The following PEBP4 variants were observed in gnomAD, a reference collection of about 807,000 sequenced individuals.
PEBP4 encodes phosphatidylethanolamine-binding protein 4.
Under a neutral mutation model 23.9 loss-of-function variants are expected in PEBP4, and 22 were observed. That is an observed-to-expected ratio of 0.92 (90% CI 0.66 to 1.31). PEBP4 has a LOEUF of 1.31. Among genes scored for constraint, PEBP4 ranks in the 40% most tolerant of loss-of-function variants. The probability of loss-of-function intolerance (pLI) is 0.00; values close to 1 mark genes in which losing one functional copy is unlikely to be tolerated. For missense variants in PEBP4, 324 were observed against 281.7 expected (o/e 1.15, Z -1.07); for synonymous variants, 112 against 99.3 (o/e 1.13, Z -0.76).
chr8:22,713,582 G>A, intron 6 of PEBP4, 46 bp from the exon 7 acceptor site: 2 of 1,613,144 alleles, frequency 1.2e-6, no homozygotes, highest in Non-Finnish European at 8.5e-7. Context: ...AAAGAGCCAT[G>A]GACTTGAAAG....
intron 3 of PEBP4, among the ~76,000 whole-genome samples, chr8:22,876,810 G>C (rs2128771366): frequency 6.6e-6 from 1 of 152,310 alleles, no homozygotes; most frequent in Non-Finnish European, 1.5e-5. Context: ...AATCTGGCTT[G>C]GTTAGCCAGA....
At chr8:22,877,550 G>C (rs1808146909) in intron 3 of PEBP4, among the ~76,000 whole-genome samples, 1 of 152,174 alleles carries the variant, frequency 6.6e-6, no homozygotes, top group Non-Finnish European at 1.5e-5. Flanking sequence ...GAGGAGAGGA[G>C]GTGAGGCCAG....
chr8:22,785,980 A>T (rs1412306652), intron 4 of PEBP4, among the ~76,000 whole-genome samples: 1 of 152,306 alleles, frequency 6.6e-6, no homozygotes, highest in East Asian at 1.9e-4. Context: ...TCGAACGTCA[A>T]GTAGGGTCAG....
intron 4 of PEBP4, among the ~76,000 whole-genome samples, chr8:22,813,874 G>A (rs1396680908): frequency 6.6e-6 from 1 of 152,202 alleles, no homozygotes; most frequent in Admixed American, 6.5e-5. Flanking sequence ...GGTATAGGAA[G>A]TTCCACCCCA....
chr8:22,758,067 G>A (rs1012125501), intron 4 of PEBP4: 1 of 152,250 alleles, frequency 6.6e-6, no homozygotes, highest in Non-Finnish European at 1.5e-5. Flanking sequence ...AAAAAATGGG[G>A]ACTCTAACTC....
At chr8:22,802,168 A>AG (rs1488083356) in intron 4 of PEBP4, among the ~76,000 whole-genome samples, 2 of 152,178 alleles carry the variant, frequency 1.3e-5, no homozygotes, top group Non-Finnish European at 2.9e-5. Context: ...AACCCGCTGC[A>AG]GGAGGAGGGT....
At position 22,901,385 on chromosome 8, in the gene PEBP4, C is replaced by T. The variant is rs940473757; in HGVS notation, c.258+18799G>A. 3.3e-5 allele frequency among the ~76,000 whole-genome samples: 5 copies of T among 152,120 alleles called. No individual in the cohort carries two copies. In the South Asian group the frequency reaches 6.2e-4, roughly 19 times the overall value. ...CTTGTGTCAGCAGAGTCCTAGGCCTCGGGGATTCAGTTGTGAGGATGACTC... is the reference window on the plus strand; with the variant it reads ...CTTGTGTCAGCAGAGTCCTAGGCCTTGGGGATTCAGTTGTGAGGATGACTC... On this transcript the variant is annotated intron_variant, in intron 3 of 6. Coordinates refer to ENST00000256404, the MANE Select transcript of PEBP4 (RefSeq NM_144962.3).
chr8:22,797,278 A>T (rs1376065658), intron 4 of PEBP4, among the ~76,000 whole-genome samples: 2 of 151,262 alleles, frequency 1.3e-5, no homozygotes, highest in Admixed American at 6.6e-5. Context: ...AAAAAGACAG[A>T]AAGAAAGAAA....
chr8:22,784,650 G>A (rs1236139789), intron 4 of PEBP4, among the ~76,000 whole-genome samples: 2 of 152,192 alleles, frequency 1.3e-5, no homozygotes, highest in Non-Finnish European at 2.9e-5. Flanking sequence ...TAAATAAGCA[G>A]CCGCCCGGGT....
chr8:22,891,865 A>G (rs1189411040), intron 3 of PEBP4, among the ~76,000 whole-genome samples: 1 of 152,248 alleles, frequency 6.6e-6, no homozygotes, highest in Non-Finnish European at 1.5e-5. Flanking sequence ...CGAGGTCAGG[A>G]GATCGAGACC....
At position 22,859,809 on chromosome 8, in the gene PEBP4, T is replaced by G. The variant is rs372688910; in HGVS notation, c.259-42074A>C. ...TGCATACAACCTACACTCTTATGCC[T>G]CTCTATCTTGCCTTACATCTTTGTT... On this transcript the variant is annotated intron_variant, in intron 3 of 6. Transcript: ENST00000256404. Among the ~76,000 whole-genome samples the G allele has an allele frequency of 4.5e-4, 69 of 152,198 alleles. 3 individuals carry two copies. In the East Asian group the frequency reaches 5.0e-3, roughly 11 times the overall value.
chr8:22,925,343 G>A lies in PEBP4; in HGVS notation c.131+2241C>T, dbSNP rs576062615. ...AGTCTGGGAGCCCTGAACCTGGGGT[G>A]AAGGTTGTCAGAAGCAGATAGGGAA... On this transcript the variant is annotated intron_variant, in intron 2 of 6. Coordinates refer to ENST00000256404, the MANE Select transcript of PEBP4 (RefSeq NM_144962.3). The A allele has an allele frequency of 4.1e-6, 4 of 985,246 alleles. No homozygotes were observed. The African/African-American group carries it at 7.0e-5, about 17-fold the overall frequency. 61.0% of individuals were successfully genotyped at this position (985,246 alleles called of 1,614,324 possible). A position where few individuals can be genotyped will look rare whatever the true frequency, so the allele number is the denominator to read the frequency against.
intron 4 of PEBP4, among the ~76,000 whole-genome samples, chr8:22,730,341 G>A (rs947600642): frequency 5.3e-5 from 8 of 152,122 alleles, no homozygotes; most frequent in Admixed American, 3.3e-4. Flanking sequence ...GTTTGAGACC[G>A]AACAGTTTAG....
chr8:22,743,025 T>G (rs538451319), intron 4 of PEBP4, among the ~76,000 whole-genome samples: 4 of 152,252 alleles, frequency 2.6e-5, no homozygotes, highest in African/African-American at 9.6e-5. Flanking sequence ...CTACTGGTGC[T>G]TGGTTGGGGC....
intron 6 of PEBP4, among the ~76,000 whole-genome samples, chr8:22,717,902 T>C (rs768841387): frequency 2.0e-5 from 3 of 152,038 alleles, no homozygotes; most frequent in African/African-American, 7.2e-5. Context: ...ACCGGCCACA[T>C]TGATAGAAGC....
intron 3 of PEBP4, among the ~76,000 whole-genome samples, chr8:22,883,637 A>G (rs1283576594): frequency 6.6e-6 from 1 of 152,116 alleles, no homozygotes; most frequent in Non-Finnish European, 1.5e-5. Flanking sequence ...GTTACCTCTA[A>G]TTTTGCAGCC....
chr8:22,734,778 G>T (rs931678297), intron 4 of PEBP4, among the ~76,000 whole-genome samples: 1 of 152,152 alleles, frequency 6.6e-6, no homozygotes, highest in Admixed American at 6.5e-5. Context: ...CAAGGGAGGG[G>T]AAGGGCAGCT....
chr8:22,727,089 C>T (rs898256383), intron 5 of PEBP4, 86 bp downstream of exon 5: 69 of 1,468,812 alleles, frequency 4.7e-5, no homozygotes, highest in African/African-American at 1.4e-4. Context: ...TGCTAGCACA[C>T]GACAAAGCAG....
At position 22,898,391 on chromosome 8, in the gene PEBP4, C is replaced by CAAAAAAAAAAAAAA. The variant is rs536993520; in HGVS notation, c.258+21779_258+21792dup. Among the ~76,000 whole-genome samples, 15 of 7,972 alleles carry CAAAAAAAAAAAAAA rather than the reference C, an allele frequency of 1.9e-3. 5 individuals carry two copies. Among genetic ancestry groups the CAAAAAAAAAAAAAA allele is most frequent in the East Asian group, 9.4e-3 (3 of 318 alleles). The allele number at this position is 7,972 out of a possible 152,430, so 5.2% of individuals were successfully genotyped here. On this transcript the variant is annotated intron_variant, in intron 3 of 6. Coordinates refer to ENST00000256404, the MANE Select transcript of PEBP4 (RefSeq NM_144962.3). ...TGAGCGACAGAGGAAGACTCCACCC[C>CAAAAAAAAAAAAAA]AAAAAAAAAAAAAAAAAAAAAAAAA...
Sources: gnomAD v4.1 joint callset for allele counts (sites outside exome capture counted in the v4.1 genomes callset) on GRCh38, gnomAD v4.1.1 for gene constraint, MANE v1.5 for transcripts, NCBI Gene and HGNC (gene_info 2026-07-23, HGNC 2026-07-21) for gene names.